LGR5: variants seen among roughly 807,000 people sequenced by gnomAD.
The protein encoded by LGR5 is leucine rich repeat containing G protein-coupled receptor 5.
In LGR5, 54 loss-of-function variants were observed where a neutral mutation model predicts 76.7. That is an observed-to-expected ratio of 0.70 (90% CI 0.57 to 0.88). LGR5 has a LOEUF of 0.88. Ranked by LOEUF, LGR5 falls within the 40% of genes least tolerant of loss-of-function variation. The pLI is 0.00. For missense variants in LGR5, 1,078 were observed against 1,073.3 expected (o/e 1.00, Z -0.06); for synonymous variants, 406 against 421.9 (o/e 0.96, Z 0.46).
At chr12:71,484,329 C>T (rs989170705) in intron 1 of LGR5, among the ~76,000 whole-genome samples, 5 of 152,108 alleles carry the variant, frequency 3.3e-5, no homozygotes, top group African/African-American at 9.7e-5. Context: ...AAACTGGTTG[C>T]CCTTGAGAGT....
intron 1 of LGR5, among the ~76,000 whole-genome samples, chr12:71,487,080 A>G (rs1873863607): frequency 6.6e-6 from 1 of 152,204 alleles, no homozygotes; most frequent in Non-Finnish European, 1.5e-5. Flanking sequence ...TGAACAACCC[A>G]GCATTATTGA....
At chr12:71,582,676 C>A in intron 17 of LGR5, 137 bp downstream of exon 17, 1 of 614,054 alleles carries the variant, frequency 1.6e-6, no homozygotes, top group Non-Finnish European at 2.9e-6. Context: ...CCATAGTGGC[C>A]TGTCAAATAC....
rs1877784254 is a variant in LGR5, at chr12:71,556,670, G to C, written c.696G>C (p.Gly232=). ...CCCTGGGAAAGAAATGCTTTGATGGGCTCCACAGCCTAGAGACTTTGTGAG... is the reference window on the plus strand; with the variant it reads ...CCCTGGGAAAGAAATGCTTTGATGGCCTCCACAGCCTAGAGACTTTGTGAG... ...IHSLGKKCFD[G]LHSLETLDLN... The change falls in exon 6 of 18, where the codon GGG becomes GGC. Residue 232 remains glycine (G), a synonymous_variant. Coordinates refer to ENST00000266674, the MANE Select transcript of LGR5 (RefSeq NM_003667.4). 6.2e-7 allele frequency: 1 copy of C among 1,611,220 alleles called. No individual in the cohort carries two copies. The highest frequency in any genetic ancestry group is 2.2e-5 in the East Asian group (1 of 44,858).
Position 71,547,476 on chromosome 12 carries a change from A to G in LGR5, c.429-5597A>G, listed in dbSNP as rs559155398. Reference sequence around the variant, plus strand: ...TTTTTAAAGGGAAAAATATGATACCACTTCCTAAATTTGAAGGTTTTCCTC... The same window carrying G: ...TTTTTAAAGGGAAAAATATGATACCGCTTCCTAAATTTGAAGGTTTTCCTC... On this transcript the variant is annotated intron_variant, in intron 4 of 17. Coordinates refer to ENST00000266674, the MANE Select transcript of LGR5 (RefSeq NM_003667.4). Among the ~76,000 whole-genome samples the G allele has an allele frequency of 4.6e-5, 7 of 152,350 alleles. No individual in the cohort carries two copies. In the South Asian group the frequency reaches 1.4e-3, roughly 32 times the overall value.
rs1056631552 is a variant in LGR5 at position 71,568,213 on chromosome 12, A to G, written c.1070+1301A>G. On this transcript the variant is annotated intron_variant, in intron 11 of 17. Coordinates refer to ENST00000266674, the MANE Select transcript of LGR5 (RefSeq NM_003667.4). ...ACCACTCAGGTCTAGAACTGCATGA[A>G]TGGAGGCTCACTGGCAAAATGACTT... Among the ~76,000 whole-genome samples the G allele has an allele frequency of 2.0e-5, 3 of 152,322 alleles. No individual in the cohort carries two copies. In the East Asian group the frequency reaches 5.8e-4, roughly 29 times the overall value.
chr12:71,517,483 T>A (rs888345413), intron 2 of LGR5, among the ~76,000 whole-genome samples: 8 of 152,246 alleles, frequency 5.3e-5, no homozygotes, highest in African/African-American at 1.9e-4. Context: ...TAATTTAAAC[T>A]AATTTAAAAA....
intron 2 of LGR5, among the ~76,000 whole-genome samples, chr12:71,508,868 C>T (rs1413904795): frequency 2.6e-5 from 4 of 151,290 alleles, no homozygotes; most frequent in Non-Finnish European, 4.4e-5. Flanking sequence ...TCCTTCCTGA[C>T]ATTCTAGAAC....
At chr12:71,562,364 G>C (rs900132394) in intron 8 of LGR5, among the ~76,000 whole-genome samples, 1 of 152,148 alleles carries the variant, frequency 6.6e-6, no homozygotes, top group Non-Finnish European at 1.5e-5. Flanking sequence ...TGTAATTCTA[G>C]AATGATAAAT....
At chr12:71,571,317 T>G in intron 11 of LGR5, 197 bp from the exon 12 acceptor site, 1 of 439,578 alleles carries the variant, frequency 2.3e-6, no homozygotes, top group South Asian at 5.7e-5. Flanking sequence ...AGTATAACAG[T>G]TACATTTCAG....
intron 1 of LGR5, among the ~76,000 whole-genome samples, chr12:71,442,517 T>C (rs1019541623): frequency 1.3e-5 from 2 of 152,204 alleles, no homozygotes; most frequent in African/African-American, 4.8e-5. Context: ...AGTGATACAG[T>C]AAATGTTAAA....
chr12:71,526,695 G>C (rs968850040), intron 3 of LGR5, among the ~76,000 whole-genome samples: 1 of 152,170 alleles, frequency 6.6e-6, no homozygotes, highest in African/African-American at 2.4e-5. Flanking sequence ...GATTTTTGTG[G>C]AAAGTGTATC....
rs2255504 is a variant in LGR5 at position 71,542,562 on chromosome 12, C to T, written c.428+7376C>T. Among the ~76,000 whole-genome samples, 820 of 151,912 alleles carry T rather than the reference C, an allele frequency of 5.4e-3. 5 individuals are homozygous for T. The highest frequency in any genetic ancestry group is 8.3e-3 in the Non-Finnish European group (565 of 67,968). Reference sequence around the variant, plus strand: ...AAGGAGAACTTCATCAGGTTAGGGACGGTGGAGATGAAGAAAGGGAGATGG... The same window carrying T: ...AAGGAGAACTTCATCAGGTTAGGGATGGTGGAGATGAAGAAAGGGAGATGG... On this transcript the variant is annotated intron_variant, in intron 4 of 17. Transcript: ENST00000266674.
intron 1 of LGR5, among the ~76,000 whole-genome samples, chr12:71,490,782 T>C (rs1318916050): frequency 6.6e-6 from 1 of 152,176 alleles, no homozygotes; most frequent in Non-Finnish European, 1.5e-5. Context: ...AAACAAACAA[T>C]GTAAAACATT....
At chr12:71,481,970 T>C (rs940787714) in intron 1 of LGR5, among the ~76,000 whole-genome samples, 3 of 152,190 alleles carry the variant, frequency 2.0e-5, no homozygotes, top group African/African-American at 7.2e-5. Flanking sequence ...AGCCTTTTGG[T>C]CTGCTTTTTA....
chr12:71,546,838 G>A (rs528943309), intron 4 of LGR5, among the ~76,000 whole-genome samples: 9 of 152,128 alleles, frequency 5.9e-5, no homozygotes, highest in African/African-American at 2.2e-4. Context: ...TTTCTTGTAG[G>A]CAGGTAGCCC....
intron 1 of LGR5, among the ~76,000 whole-genome samples, chr12:71,455,361 C>T (rs1250460409): frequency 1.3e-5 from 2 of 152,110 alleles, no homozygotes; most frequent in African/African-American, 4.8e-5. Context: ...AGTCTACCAG[C>T]TTGACATTGT....
chr12:71,558,473 A>G (rs1877890610), intron 6 of LGR5, among the ~76,000 whole-genome samples: 3 of 152,142 alleles, frequency 2.0e-5, no homozygotes, highest in Admixed American at 2.0e-4. Flanking sequence ...TCCTTTCCCT[A>G]CTAGAAATCC....
chr12:71,503,838 A>G (rs574494458), intron 1 of LGR5, among the ~76,000 whole-genome samples: 1 of 152,318 alleles, frequency 6.6e-6, no homozygotes, highest in Non-Finnish European at 1.5e-5. Flanking sequence ...TACAGAGGGC[A>G]TATACCCATG....
At chr12:71,574,576 A>G (rs868477615) in intron 13 of LGR5, among the ~76,000 whole-genome samples, 7 of 152,026 alleles carry the variant, frequency 4.6e-5, no homozygotes, top group Middle Eastern at 6.3e-3. Context: ...TAAATATCTA[A>G]TCATGTTATT....
Sources: allele counts gnomAD v4.1 joint callset (sites outside exome capture counted in the v4.1 genomes callset), GRCh38; gene constraint gnomAD v4.1.1; transcripts MANE v1.5; gene names NCBI Gene and HGNC (gene_info 2026-07-23, HGNC 2026-07-21).